STAG1: variants seen among roughly 807,000 people sequenced by gnomAD.
STAG1 encodes STAG1 cohesin complex component, also known as cohesin subunit SA-1.
In STAG1, 26 loss-of-function variants were observed where a neutral mutation model predicts 170.9. That is an observed-to-expected ratio of 0.15 (90% CI 0.11 to 0.21). STAG1 has a LOEUF of 0.21. Among genes scored for constraint, STAG1 ranks in the 10% least tolerant of loss-of-function variants. The probability of loss-of-function intolerance (pLI) is 1.00; values close to 1 mark genes in which losing one functional copy is unlikely to be tolerated. For synonymous variants in STAG1, 514 were observed against 497.7 expected, an observed-to-expected ratio of 1.03 and a Z score of -0.44; for missense variants, 964 against 1,509.5, an observed-to-expected ratio of 0.64 and a Z score of 5.99.
chr3:136,380,470 G>A (rs910849483), intron 22 of STAG1, among the ~76,000 whole-genome samples: 2 of 151,936 alleles, frequency 1.3e-5, no homozygotes, highest in African/African-American at 4.8e-5. Flanking sequence ...TTGATCTCCT[G>A]ACCTCGTGAT....
At chr3:136,706,813 AC>A (rs748146806) in intron 1 of STAG1, among the ~76,000 whole-genome samples, 22 of 152,244 alleles carry the variant, frequency 1.4e-4, no homozygotes, top group Non-Finnish European at 2.6e-4. Flanking sequence ...TTTCAAATTT[AC>A]TACAAAGCCA....
chr3:136,531,221 C>T (rs1312810857), intron 6 of STAG1, among the ~76,000 whole-genome samples: 1 of 150,786 alleles, frequency 6.6e-6, no homozygotes, highest in African/African-American at 2.4e-5. Context: ...TACCATCTCA[C>T]ACCAGTTAGA....
intron 5 of STAG1, among the ~76,000 whole-genome samples, chr3:136,551,421 C>T (rs1261125946): frequency 1.3e-5 from 1 of 75,742 alleles, no homozygotes; most frequent in African/African-American, 5.4e-5. Flanking sequence ...ATCAATACAT[C>T]TGGCTAATTT....
At chr3:136,519,697 G>C (rs530134482) in intron 7 of STAG1, among the ~76,000 whole-genome samples, 47 of 149,150 alleles carry the variant, frequency 3.2e-4, no homozygotes, top group African/African-American at 1.1e-3. Context: ...TGGCGAATTA[G>C]AAAAAAAAAG....
rs1020475090 is a variant in STAG1 at position 136,506,053 on chromosome 3, G to A, written c.677-3274C>T. ...CCAGTTAACCTATCCTCTCCTTAAG[G>A]CTCATGAATTAAATCTAAGCAGGGT... On this transcript the variant is annotated intron_variant, in intron 7 of 33. Transcript: ENST00000383202. Among the ~76,000 whole-genome samples, 3 of 152,146 alleles carry A rather than the reference G, an allele frequency of 2.0e-5. No individual in the cohort carries two copies. The East Asian group carries it at 5.8e-4, about 29-fold the overall frequency.
chr3:136,339,899 G>A (rs1271331707), intron 32 of STAG1, among the ~76,000 whole-genome samples: 8 of 152,256 alleles, frequency 5.3e-5, no homozygotes, highest in East Asian at 1.9e-4. Flanking sequence ...CTGAAGCACC[G>A]TGGATTTTTG....
chr3:136,648,626 T>C (rs954359066), intron 1 of STAG1, among the ~76,000 whole-genome samples: 1 of 152,208 alleles, frequency 6.6e-6, no homozygotes, highest in Non-Finnish European at 1.5e-5. Context: ...TTTTATGTAA[T>C]GAAATCATGC....
intron 1 of STAG1, among the ~76,000 whole-genome samples, chr3:136,735,649 G>C (rs1934290480): frequency 6.6e-6 from 1 of 151,780 alleles, no homozygotes; most frequent in Admixed American, 6.6e-5. Context: ...TTTCACTTTT[G>C]TCTTCCAGAC....
intron 15 of STAG1, among the ~76,000 whole-genome samples, chr3:136,436,247 C>A (rs977958677): frequency 1.3e-5 from 2 of 151,944 alleles, no homozygotes; most frequent in African/African-American, 4.8e-5. Context: ...TGAGCCACCA[C>A]GCCTGGCCTC....
chr3:136,477,196 T>A, intron 10 of STAG1, 93 bp downstream of exon 10: 10 of 1,362,804 alleles, frequency 7.3e-6, no homozygotes, highest in Non-Finnish European at 9.9e-6. Context: ...TGATTACAAC[T>A]CCTGAAAAAT....
chr3:136,538,299 T>C (rs1337429604), intron 6 of STAG1, among the ~76,000 whole-genome samples: 4 of 152,168 alleles, frequency 2.6e-5, no homozygotes, highest in African/African-American at 9.7e-5. Context: ...CACTCAGTCT[T>C]GATTACCAAG....
chr3:136,717,043 G>A (rs1943559319), intron 1 of STAG1, among the ~76,000 whole-genome samples: 1 of 152,184 alleles, frequency 6.6e-6, no homozygotes, highest in Admixed American at 6.6e-5. Context: ...GTTTATAACA[G>A]CAACGTGTAC....
At chr3:136,411,477 G>C (rs979870401) in intron 21 of STAG1, among the ~76,000 whole-genome samples, 1 of 152,080 alleles carries the variant, frequency 6.6e-6, no homozygotes. Flanking sequence ...GGGTATAAGA[G>C]ATATTACAAT....
chr3:136,340,577 G>T lies in STAG1; in HGVS notation c.3586C>A (p.Pro1196Thr). Reference sequence around the variant, plus strand: ...GACATCATCACATCTTCAAAGATGGGCTCAGCATCTTCCTCCATTAGACCC... The same window carrying T: ...GACATCATCACATCTTCAAAGATGGTCTCAGCATCTTCCTCCATTAGACCC... ...VRGLMEEDAE[P>T]IFEDVMMSSR... Residue 1196 changes from proline to threonine, a missense_variant, in exon 32 of 34, where the codon CCC becomes ACC. Physicochemically the swap from Pro to Thr is conservative, Grantham distance 38. Transcript: ENST00000383202. 8 of 1,613,340 alleles carry T rather than the reference G, an allele frequency of 5.0e-6. No homozygotes were observed. Among genetic ancestry groups the T allele is most frequent in the Non-Finnish European group, 5.9e-6 (7 of 1,179,276 alleles).
At chr3:136,478,407 C>G (rs2089817462) in intron 9 of STAG1, among the ~76,000 whole-genome samples, 3 of 152,170 alleles carry the variant, frequency 2.0e-5, no homozygotes, top group Admixed American at 2.0e-4. Flanking sequence ...AATGTTAACA[C>G]TTTTATAATC....
At chr3:136,452,944 T>TA (rs2107778195) in intron 13 of STAG1, among the ~76,000 whole-genome samples, 1 of 152,192 alleles carries the variant, frequency 6.6e-6, no homozygotes, top group Admixed American at 6.5e-5. Flanking sequence ...TGCCTGCCAC[T>TA]ATGCTGGGCT....
At chr3:136,431,224 C>T (rs1046676350) in intron 16 of STAG1, among the ~76,000 whole-genome samples, 1 of 151,612 alleles carries the variant, frequency 6.6e-6, no homozygotes, top group Non-Finnish European at 1.5e-5. Context: ...TTTTTCATTC[C>T]TTCTTGTGGA....
At chr3:136,702,797 C>T (rs1377798649) in intron 1 of STAG1, among the ~76,000 whole-genome samples, 1 of 151,984 alleles carries the variant, frequency 6.6e-6, no homozygotes, top group Non-Finnish European at 1.5e-5. Context: ...GGGCCAGGCA[C>T]GGTGGCTCAC....
chr3:136,724,600 T>TAAAAA (rs58430366), intron 1 of STAG1, among the ~76,000 whole-genome samples: 4 of 104,662 alleles, frequency 3.8e-5, no homozygotes, highest in African/African-American at 3.2e-5. Context: ...GAATGATCAA[T>TAAAAA]AAAAAAAAAA....
Sources: allele counts gnomAD v4.1 joint callset (sites outside exome capture counted in the v4.1 genomes callset), GRCh38; gene constraint gnomAD v4.1.1; transcripts MANE v1.5; gene names NCBI Gene and HGNC (gene_info 2026-07-23, HGNC 2026-07-21).